Variants in ZNF333 observed in about 807,000 individuals in gnomAD.
ZNF333 encodes zinc finger protein 333.
In ZNF333, 61 loss-of-function variants were observed where a neutral mutation model predicts 76.1. That is an observed-to-expected ratio of 0.80 (90% CI 0.65 to 0.99). The LOEUF (loss-of-function observed/expected upper bound fraction) is 0.99, where lower values mean the gene tolerates loss of function less well. Ranked by LOEUF, ZNF333 falls within the 50% of genes least tolerant of loss-of-function variation. The pLI is 0.00. For synonymous variants in ZNF333, 284 were observed against 305.0 expected (o/e 0.93, Z 0.72); for missense variants, 717 against 822.4 (o/e 0.87, Z 1.57).
chr19:14,706,465 C>G (rs938739175), intron 6 of ZNF333: 20 of 545,140 alleles, frequency 3.7e-5, no homozygotes, highest in Non-Finnish European at 5.6e-5. Flanking sequence ...CTTCCCCAGC[C>G]CCTGCCTGGG....
chr19:14,714,699 T>C (rs919028413), intron 7 of ZNF333: 5 of 152,686 alleles, frequency 3.3e-5, no homozygotes, highest in African/African-American at 1.2e-4. Flanking sequence ...ATGCAGGGGA[T>C]GAGGGATGAT....
At chr19:14,704,285 T>C (rs943198935) in intron 5 of ZNF333, among the ~76,000 whole-genome samples, 1 of 152,112 alleles carries the variant, frequency 6.6e-6, no homozygotes, top group Non-Finnish European at 1.5e-5. Context: ...CAGACCTGTG[T>C]ACCCTGACTT....
exon 12 of ZNF333, chr19:14,731,177 A>C (rs2042668318): frequency 1.3e-6 from 2 of 1,528,956 alleles, no homozygotes; most frequent in East Asian, 2.5e-5. Flanking sequence ...CTTTTCAGCC[A>C]CCCAACTAAT....
chr19:14,718,629 C>T lies in ZNF333; in HGVS notation c.1302C>T (p.Asn434=). The change falls in exon 12 of 12, where the codon AAC becomes AAT. Residue 434 remains asparagine, a synonymous_variant. Coordinates refer to ENST00000292530, the MANE Select transcript of ZNF333 (RefSeq NM_032433.4). ...CSQCGKTFTR[N]FNLILHQRNH... is the part of the protein sequence containing the mutation. ...AGTGTGGGAAAACCTTCACGAGGAA[C>T]TTTAACCTGATTTTGCACCAGAGAA... is the stretch of plus-strand genomic sequence containing the variant. 1 of 1,613,848 alleles carries T rather than the reference C, an allele frequency of 6.2e-7. No individual in the cohort carries two copies. The highest frequency in any genetic ancestry group is 1.3e-5 in the African/African-American group (1 of 75,030).
Position 14,719,142 on chromosome 19 carries a change from T to C in ZNF333, c.1815T>C (p.Leu605=). The C allele has an allele frequency of 6.2e-7, 1 of 1,614,162 alleles. No individual in the cohort carries two copies. Among genetic ancestry groups the C allele is most frequent in the Non-Finnish European group, 8.5e-7 (1 of 1,180,020 alleles). ...CGRAFGQSSH[L]IVHVRTHSAG... ...GAGCCTTTGGTCAGTCTTCACATCT[T>C]ATTGTACATGTGAGAACACACAGTG... The change falls in exon 12 of 12, where the codon CTT becomes CTC. Residue 605 remains leucine, a synonymous_variant. Coordinates refer to ENST00000292530, the MANE Select transcript of ZNF333 (RefSeq NM_032433.4).
At chr19:14,727,123 G>A (rs1386231992) in intron 11 of ZNF333, among the ~76,000 whole-genome samples, 1 of 145,498 alleles carries the variant, frequency 6.9e-6, no homozygotes, top group African/African-American at 2.6e-5. Context: ...CGCCTCCTGG[G>A]TTCACACCAT....
At chr19:14,694,371 G>T (rs1973007785) in intron 2 of ZNF333, among the ~76,000 whole-genome samples, 1 of 152,078 alleles carries the variant, frequency 6.6e-6, no homozygotes. Flanking sequence ...TACTTGGGAG[G>T]CTGAGGTAGG....
chr19:14,726,010 C>T (rs920281453), downstream of ZNF333, among the ~76,000 whole-genome samples: 1 of 152,188 alleles, frequency 6.6e-6, no homozygotes, highest in Admixed American at 6.5e-5. Context: ...CAATGTCAGT[C>T]TCCTTCCTGG....
At chr19:14,702,954 C>A (rs2042000667) in intron 5 of ZNF333, among the ~76,000 whole-genome samples, 1 of 152,082 alleles carries the variant, frequency 6.6e-6, no homozygotes, top group South Asian at 2.1e-4. Flanking sequence ...CCTGTAATCC[C>A]AGCACTTTGG....
At chr19:14,711,244 G>A (rs1044942222) in intron 7 of ZNF333, among the ~76,000 whole-genome samples, 8 of 152,218 alleles carry the variant, frequency 5.3e-5, no homozygotes, top group African/African-American at 1.9e-4. Flanking sequence ...TTTAAGTGGA[G>A]CGAGTTTCTC....
At chr19:14,691,986 G>A (rs1216113684) in intron 1 of ZNF333, among the ~76,000 whole-genome samples, 1 of 152,020 alleles carries the variant, frequency 6.6e-6, no homozygotes, top group Non-Finnish European at 1.5e-5. Context: ...CTCATACTGT[G>A]TTTTGTGTGT....
At chr19:14,691,007 C>T (rs1205684965) in intron 1 of ZNF333, among the ~76,000 whole-genome samples, 4 of 151,610 alleles carry the variant, frequency 2.6e-5, no homozygotes, top group African/African-American at 9.7e-5. Flanking sequence ...GCAGGAGAAT[C>T]GCTTGAACCC....
At position 14,690,158 on chromosome 19, in the gene ZNF333, C is replaced by T. The variant is rs1277607270; in HGVS notation, c.-42+8C>T. On this transcript the variant is annotated splice_region_variant and intron_variant, in intron 1 of 11. Coordinates refer to ENST00000292530, the MANE Select transcript of ZNF333 (RefSeq NM_032433.4). The stretch of plus-strand genomic sequence containing the variant: ...TCTCCGGCTGGCTTGCAGGTGTGGC[C>T]CGGCCCCTCGGGAGGGCGGGGAGGG... 1.2e-5 allele frequency: 1 copy of T among 83,166 alleles called. No homozygotes were observed. Among genetic ancestry groups the T allele is most frequent in the Non-Finnish European group, 2.2e-5 (1 of 44,618 alleles). 5.2% of individuals were successfully genotyped at this position (83,166 alleles called of 1,614,324 possible).
At chr19:14,708,407 G>T in intron 7 of ZNF333, 1 of 401,252 alleles carries the variant, frequency 2.5e-6, no homozygotes, top group East Asian at 3.6e-5. Context: ...CCCCTCCTCC[G>T]TGGAGCTCAC....
At position 14,720,521 on chromosome 19, in the gene ZNF333, G is replaced by A; in HGVS notation, c.*1196G>A. ...GATTTAATAGAATTGGCATATTTAT[G>A]TGATTGCAGCAGCCCTGGACTATTT... On this transcript the variant is annotated 3_prime_UTR_variant, in exon 12 of 12. Transcript: ENST00000292530. The A allele has an allele frequency of 2.0e-6, 2 of 985,426 alleles. No individual in the cohort carries two copies. Among genetic ancestry groups the A allele is most frequent in the Middle Eastern group, 5.2e-4 (1 of 1,914 alleles). 61.0% of individuals were successfully genotyped at this position (985,426 alleles called of 1,614,324 possible).
chr19:14,719,071 A>G lies in ZNF333; in HGVS notation c.1744A>G (p.Arg582Gly). 1 of 1,614,124 alleles carries G rather than the reference A, an allele frequency of 6.2e-7. No homozygotes were observed. Among genetic ancestry groups the G allele is most frequent in the Non-Finnish European group, 8.5e-7 (1 of 1,180,028 alleles). ...GCCCTCATCCCTCAGGAAACATGCAAGGACTCACAGTGGCAAGAAGCCCTA... is the reference window on the plus strand; with the variant it reads ...GCCCTCATCCCTCAGGAAACATGCAGGGACTCACAGTGGCAAGAAGCCCTA... ...SEPSSLRKHARTHSGKKPYAC... is the reference protein window; with the variant it reads ...SEPSSLRKHAGTHSGKKPYAC... The change falls in exon 12 of 12, where the codon AGG becomes GGG. Residue 582 changes from arginine to glycine, a missense_variant. By Grantham distance (125) the Arg-to-Gly change is moderately radical (BLOSUM62 -2). Coordinates refer to ENST00000292530, the MANE Select transcript of ZNF333 (RefSeq NM_032433.4).
chr19:14,719,830 C>G lies in ZNF333; in HGVS notation c.*505C>G, dbSNP rs2042550418. The G allele has an allele frequency of 2.0e-6, 2 of 986,658 alleles. No individual in the cohort carries two copies. Among genetic ancestry groups the G allele is most frequent in the Non-Finnish European group, 2.4e-6 (2 of 831,000 alleles). 61.1% of individuals were successfully genotyped at this position (986,658 alleles called of 1,614,324 possible). A position where few individuals can be genotyped will look rare whatever the true frequency, so the allele number is the denominator to read the frequency against. On this transcript the variant is annotated 3_prime_UTR_variant, in exon 12 of 12. Transcript: ENST00000292530. The stretch of plus-strand genomic sequence containing the variant: ...TTCTAGCTGCCAACCCAAATTACCC[C>G]TTCCTCCTTAGAAAAGAACCTGGGT...
chr19:14,701,673 A>C (rs1005126455), intron 5 of ZNF333: 1 of 985,284 alleles, frequency 1.0e-6, no homozygotes, highest in South Asian at 4.7e-5. Context: ...CTCTCCTTTC[A>C]GTACAGGGCT....
chr19:14,696,730 CCTTT>C (rs1973219341), intron 4 of ZNF333, among the ~76,000 whole-genome samples: 1 of 130,856 alleles, frequency 7.6e-6, no homozygotes, highest in African/African-American at 3.1e-5. Context: ...GACCTAATCA[CCTTT>C]TTTTTTTTTT....
Sources: allele counts gnomAD v4.1 joint callset (sites outside exome capture counted in the v4.1 genomes callset), GRCh38; gene constraint gnomAD v4.1.1; transcripts MANE v1.5; gene names NCBI Gene and HGNC (gene_info 2026-07-23, HGNC 2026-07-21).